Variants in DOCK3 observed in about 807,000 individuals in gnomAD.
DOCK3 encodes dedicator of cytokinesis 3.
In DOCK3, 60 loss-of-function variants were observed where a neutral mutation model predicts 265.6. That is an observed-to-expected ratio of 0.23 (90% confidence interval 0.18 to 0.28). The LOEUF (loss-of-function observed/expected upper bound fraction) is 0.28. Among genes scored for constraint, DOCK3 ranks in the 10% least tolerant of loss-of-function variants. DOCK3 has a pLI of 1.00. For synonymous variants in DOCK3, 881 were observed against 938.0 expected (o/e 0.94, Z 1.11); for missense variants, 1,981 against 2,594.3 (o/e 0.76, Z 5.14).
Position 50,678,070 on chromosome 3 carries a change from A to AT in DOCK3, c.37+2783dup, listed in dbSNP as rs755279456. Among the ~76,000 whole-genome samples, 821 of 143,584 alleles carry AT rather than the reference A, an allele frequency of 5.7e-3. 5 individuals are homozygous for AT. Among genetic ancestry groups the AT allele is most frequent in the East Asian group, 0.036 (179 of 4,958 alleles). 94.2% of individuals were successfully genotyped at this position (143,584 alleles called of 152,430 possible). A position where few individuals can be genotyped will look rare whatever the true frequency, so the allele number is the denominator to read the frequency against. On this transcript the variant is annotated intron_variant, in intron 1 of 52. Transcript: ENST00000266037. ...AGAAACTGGATCCCAAAGGTTGTTA[A>AT]TTTTTTTTTTTTTGTCCTTCAACGA...
chr3:50,831,292 G>A (rs1384450090), intron 2 of DOCK3, among the ~76,000 whole-genome samples: 6 of 150,592 alleles, frequency 4.0e-5, no homozygotes, highest in Admixed American at 6.6e-5. Context: ...GAATTATTAC[G>A]TAGGTATACA....
chr3:50,883,136 A>T (rs1414375328), intron 3 of DOCK3, among the ~76,000 whole-genome samples: 1 of 151,998 alleles, frequency 6.6e-6, no homozygotes, highest in Non-Finnish European at 1.5e-5. Flanking sequence ...GGAATGGGGG[A>T]GGGATAGCAT....
At chr3:50,980,130 C>T (rs1484303422) in intron 5 of DOCK3, among the ~76,000 whole-genome samples, 2 of 152,082 alleles carry the variant, frequency 1.3e-5, no homozygotes, top group Non-Finnish European at 2.9e-5. Flanking sequence ...AGATATGTTC[C>T]TTCAATGCGT....
intron 10 of DOCK3, among the ~76,000 whole-genome samples, chr3:51,152,632 T>C (rs1397344592): frequency 6.6e-6 from 1 of 152,202 alleles, no homozygotes; most frequent in Non-Finnish European, 1.5e-5. Context: ...CTTTGTGGTT[T>C]TATCTAACTT....
chr3:50,911,285 T>C (rs1304780787), intron 4 of DOCK3, among the ~76,000 whole-genome samples: 1 of 152,128 alleles, frequency 6.6e-6, no homozygotes, highest in Non-Finnish European at 1.5e-5. Context: ...GGTATCATAG[T>C]TTCAAGTCTT....
intron 5 of DOCK3, among the ~76,000 whole-genome samples, chr3:51,054,121 T>TAAAAAAAAA (rs35733959): frequency 1.2e-5 from 1 of 85,012 alleles, no homozygotes; most frequent in African/African-American, 4.4e-5. Flanking sequence ...CGTAGCTTCC[T>TAAAAAAAAA]AAAAAAAAAA....
At chr3:50,868,137 A>G (rs2107556259) in intron 3 of DOCK3, among the ~76,000 whole-genome samples, 1 of 151,196 alleles carries the variant, frequency 6.6e-6, no homozygotes, top group Non-Finnish European at 1.5e-5. Flanking sequence ...GCAATGGCAC[A>G]ATCTTGGCTC....
chr3:50,990,723 G>A (rs1445908075), intron 5 of DOCK3, among the ~76,000 whole-genome samples: 2 of 152,174 alleles, frequency 1.3e-5, no homozygotes, highest in East Asian at 1.9e-4. Context: ...CCTGGATTCC[G>A]ACGTTCAAGG....
intron 27 of DOCK3, among the ~76,000 whole-genome samples, chr3:51,292,532 G>C (rs1257136162): frequency 6.6e-6 from 1 of 152,146 alleles, no homozygotes. Context: ...AGCACTTTGG[G>C]AGGCTGAGAT....
At chr3:50,768,939 C>T (rs1012886964) in intron 1 of DOCK3, among the ~76,000 whole-genome samples, 7 of 152,028 alleles carry the variant, frequency 4.6e-5, no homozygotes, top group Non-Finnish European at 8.8e-5. Context: ...TTGATAATTG[C>T]CATCCTAACT....
chr3:50,816,616 C>T (rs942557521), intron 2 of DOCK3, among the ~76,000 whole-genome samples: 5 of 151,984 alleles, frequency 3.3e-5, no homozygotes, highest in African/African-American at 9.7e-5. Flanking sequence ...CCACTGTGCC[C>T]GGCCTCTCTT....
At chr3:50,979,995 G>A (rs2077630962) in intron 5 of DOCK3, among the ~76,000 whole-genome samples, 1 of 152,006 alleles carries the variant, frequency 6.6e-6, no homozygotes, top group South Asian at 2.1e-4. Context: ...GTACTGTGTT[G>A]AACAAGAATG....
chr3:51,095,719 A>G (rs892589830), intron 9 of DOCK3, among the ~76,000 whole-genome samples: 1 of 151,706 alleles, frequency 6.6e-6, no homozygotes. Context: ...CTTTTAGTGG[A>G]GAAAGGTAAT....
chr3:51,200,703 A>G (rs2088686709), intron 12 of DOCK3, among the ~76,000 whole-genome samples: 1 of 151,872 alleles, frequency 6.6e-6, no homozygotes, highest in South Asian at 2.1e-4. Context: ...GAGAAGAGCA[A>G]CTCCAAGACA....
At chr3:50,863,128 T>G (rs1179116074) in intron 3 of DOCK3, among the ~76,000 whole-genome samples, 3 of 152,180 alleles carry the variant, frequency 2.0e-5, no homozygotes, top group Non-Finnish European at 4.4e-5. Flanking sequence ...CACTGAGGGT[T>G]AGATCTCCAG....
intron 5 of DOCK3, among the ~76,000 whole-genome samples, chr3:50,995,044 T>C (rs2078230415): frequency 6.6e-6 from 1 of 152,186 alleles, no homozygotes. Context: ...TAACTCGATA[T>C]TTATCTCAAT....
intron 9 of DOCK3, among the ~76,000 whole-genome samples, chr3:51,145,432 A>G (rs907975227): frequency 1.3e-4 from 19 of 151,780 alleles, no homozygotes; most frequent in Non-Finnish European, 1.3e-4. Context: ...TCCTGTGTCC[A>G]TGTGTTCTCA....
At chr3:51,037,573 C>A (rs2080317291) in intron 5 of DOCK3, among the ~76,000 whole-genome samples, 1 of 152,148 alleles carries the variant, frequency 6.6e-6, no homozygotes, top group South Asian at 2.1e-4. Context: ...ATGGACTTTA[C>A]AGTTTACTGA....
chr3:50,690,957 G>A (rs933863773), intron 1 of DOCK3, among the ~76,000 whole-genome samples: 4 of 151,116 alleles, frequency 2.6e-5, no homozygotes, highest in African/African-American at 9.7e-5. Flanking sequence ...TCCTATCTCC[G>A]TGATTTTGAC....
Sources: allele counts gnomAD v4.1 joint callset (sites outside exome capture counted in the v4.1 genomes callset), GRCh38; gene constraint gnomAD v4.1.1; transcripts MANE v1.5; gene names NCBI Gene and HGNC (gene_info 2026-07-23, HGNC 2026-07-21).